Variants in CCDC141 observed in about 807,000 individuals in gnomAD.
CCDC141 encodes the protein coiled-coil domain containing 141.
CCDC141 carries 168 observed loss-of-function variants against 181.0 expected under a neutral mutation model. The observed-to-expected ratio is 0.93, with a 90% CI of 0.82 to 1.05. The LOEUF (loss-of-function observed/expected upper bound fraction) is 1.05, where lower values mean the gene tolerates loss of function less well. Ranked by LOEUF, CCDC141 falls within the 50% of genes least tolerant of loss-of-function variation. CCDC141 has a pLI of 0.00. For synonymous variants in CCDC141, 666 were observed against 642.3 expected (o/e 1.04, Z -0.56); for missense variants, 1,902 against 1,788.5 (o/e 1.06, Z -1.14).
chr2:178,885,898 C>A (rs1406556827), intron 10 of CCDC141, among the ~76,000 whole-genome samples: 1 of 152,112 alleles, frequency 6.6e-6, no homozygotes, highest in Non-Finnish European at 1.5e-5. Flanking sequence ...AATTTAGAGG[C>A]CCTGCTTCAT....
chr2:178,903,102 AAAC>A (rs1291682413), intron 8 of CCDC141, among the ~76,000 whole-genome samples: 2 of 150,590 alleles, frequency 1.3e-5, no homozygotes, highest in African/African-American at 4.8e-5. Context: ...AAAAGTCAGG[AAAC>A]AACAGGTGCT....
intron 3 of CCDC141, among the ~76,000 whole-genome samples, chr2:178,977,712 G>A (rs1447799335): frequency 1.3e-5 from 2 of 152,020 alleles, no homozygotes; most frequent in Admixed American, 6.6e-5. Flanking sequence ...ATTTTTCAAA[G>A]CTAATGCTTT....
At chr2:179,012,195 T>C (rs2042288257) in intron 2 of CCDC141, among the ~76,000 whole-genome samples, 1 of 152,118 alleles carries the variant, frequency 6.6e-6, no homozygotes, top group African/African-American at 2.4e-5. Context: ...GCTGGTTGTT[T>C]GAAAAGGTAA....
At chr2:178,865,677 G>T in intron 17 of CCDC141, 90 bp downstream of exon 17, 1 of 1,185,848 alleles carries the variant, frequency 8.4e-7, no homozygotes. Context: ...ATGTGTGTGG[G>T]AGTGTGCACA....
At chr2:178,985,212 G>C (rs981770489) in intron 2 of CCDC141, among the ~76,000 whole-genome samples, 1 of 151,528 alleles carries the variant, frequency 6.6e-6, no homozygotes, top group African/African-American at 2.4e-5. Flanking sequence ...GCTCCTGAAT[G>C]ACTACTGGGT....
At chr2:179,044,799 G>A (rs148208966) in intron 2 of CCDC141, among the ~76,000 whole-genome samples, 98 of 152,194 alleles carry the variant, frequency 6.4e-4, no homozygotes, top group South Asian at 4.6e-3. Context: ...TAAGTATTAC[G>A]TTTCTACAGT....
rs550049284 is a variant in CCDC141, at chr2:178,895,697, T to G, written c.1266-7029A>C. On this transcript the variant is annotated intron_variant, in intron 8 of 23. Transcript: ENST00000443758. ...ATATTTGGAAAGTGGCTGGGTTGAC[T>G]GTCATAAGAACTCAACTTTGTAATT... 3.3e-5 allele frequency among the ~76,000 whole-genome samples: 5 copies of G among 152,306 alleles called. No individual in the cohort carries two copies. In the East Asian group the frequency reaches 9.6e-4, roughly 29 times the overall value.
chr2:178,861,972 C>A (rs1685640040), intron 17 of CCDC141, among the ~76,000 whole-genome samples: 3 of 152,162 alleles, frequency 2.0e-5, no homozygotes, highest in Admixed American at 2.0e-4. Context: ...TCCTTTCCTG[C>A]CAGTGGGTAG....
intron 17 of CCDC141, among the ~76,000 whole-genome samples, chr2:178,859,669 A>G (rs1685520010): frequency 6.6e-6 from 1 of 152,224 alleles, no homozygotes; most frequent in African/African-American, 2.4e-5. Flanking sequence ...CAGCTCTTCT[A>G]TATTTACCAT....
At position 178,884,893 on chromosome 2, in the gene CCDC141, T is replaced by A; in HGVS notation, c.1719+8A>T. On this transcript the variant is annotated splice_region_variant and intron_variant, in intron 11 of 23. Coordinates refer to ENST00000443758, the MANE Select transcript of CCDC141 (RefSeq NM_173648.4). ...CTTGCTGAAGAAGGTTAACACATAGTACCATACCTCCTCTGATGACTTCAG... is the reference window on the plus strand; with the variant it reads ...CTTGCTGAAGAAGGTTAACACATAGAACCATACCTCCTCTGATGACTTCAG... 1 of 1,549,490 alleles carries A rather than the reference T, an allele frequency of 6.5e-7. No homozygotes were observed. Among genetic ancestry groups the A allele is most frequent in the Non-Finnish European group, 8.7e-7 (1 of 1,146,152 alleles).
chr2:179,004,866 G>A (rs1177185998), intron 2 of CCDC141, among the ~76,000 whole-genome samples: 2 of 152,104 alleles, frequency 1.3e-5, no homozygotes, highest in African/African-American at 4.8e-5. Flanking sequence ...CTAGTAGCTG[G>A]GATTATAGGC....
At chr2:178,920,300 T>C (rs1688628757) in intron 6 of CCDC141, among the ~76,000 whole-genome samples, 2 of 152,228 alleles carry the variant, frequency 1.3e-5, no homozygotes. Flanking sequence ...TATTACATTG[T>C]GTAAAATCAG....
intron 22 of CCDC141, among the ~76,000 whole-genome samples, chr2:178,843,874 T>C (rs916639995): frequency 6.6e-6 from 1 of 152,186 alleles, no homozygotes; most frequent in African/African-American, 2.4e-5. Flanking sequence ...CACCTTTTCA[T>C]TTTGCTGTCT....
chr2:178,987,339 A>C (rs1291847450), intron 2 of CCDC141, among the ~76,000 whole-genome samples: 2 of 152,126 alleles, frequency 1.3e-5, no homozygotes, highest in African/African-American at 4.8e-5. Flanking sequence ...AAAGACTTAA[A>C]CATTAGACCT....
chr2:178,968,235 A>G (rs1468782595), intron 4 of CCDC141, among the ~76,000 whole-genome samples: 1 of 152,224 alleles, frequency 6.6e-6, no homozygotes, highest in Non-Finnish European at 1.5e-5. Context: ...GAACAAGCAG[A>G]CCTAATAGAC....
rs769278075 is a variant in CCDC141 at position 178,834,302 on chromosome 2, G to A, written c.4464C>T (p.Gly1488=). 2.4e-5 allele frequency: 37 copies of A among 1,535,808 alleles called. 1 individual carries two copies. In the East Asian group the frequency reaches 6.6e-4, roughly 27 times the overall value. The change falls in exon 24 of 24, where the codon GGC becomes GGT. Residue 1488 remains glycine (G), a synonymous_variant. Coordinates refer to ENST00000443758, the MANE Select transcript of CCDC141 (RefSeq NM_173648.4). The stretch of plus-strand genomic sequence containing the variant: ...GGAGGATGACATTGGAAGAGAGAGC[G>A]CCGCTAGAGTTTTGGGCCCGAGCCA... The part of the protein sequence containing the change: ...LYVARAQNSS[G]ALSSNVILHV...
intron 8 of CCDC141, among the ~76,000 whole-genome samples, chr2:178,902,942 C>T (rs1393605852): frequency 6.1e-5 from 9 of 148,534 alleles, no homozygotes; most frequent in South Asian, 2.4e-4. Flanking sequence ...AAAAAGTGGG[C>T]GAAGGACATG....
Position 178,837,557 on chromosome 2 carries a change from C to T in CCDC141, c.3662G>A (p.Gly1221Glu), listed in dbSNP as rs2154365821. Reference sequence around the variant, plus strand: ...TGGTGCAAGAGGGGACTCAGGGCTTCCTGGGAGAGGAGGCAAGGAGATGTC... The same window carrying T: ...TGGTGCAAGAGGGGACTCAGGGCTTTCTGGGAGAGGAGGCAAGGAGATGTC... ...PDDISLPPLP[G>E]SPESPLAPSD... Residue 1221 changes from glycine (G) to glutamate (E), a missense_variant, in exon 23 of 24, where the codon GGA becomes GAA. Coordinates refer to ENST00000443758, the MANE Select transcript of CCDC141 (RefSeq NM_173648.4). The T allele has an allele frequency of 3.1e-6, 5 of 1,613,872 alleles. No individual in the cohort carries two copies. The highest frequency in any genetic ancestry group is 4.2e-6 in the Non-Finnish European group (5 of 1,179,896).
At chr2:178,949,486 C>T (rs1030165921) in intron 5 of CCDC141, among the ~76,000 whole-genome samples, 5 of 152,092 alleles carry the variant, frequency 3.3e-5, no homozygotes, top group Non-Finnish European at 7.4e-5. Flanking sequence ...TCATACTATG[C>T]AATATTTTTC....
Sources: allele counts gnomAD v4.1 joint callset (sites outside exome capture counted in the v4.1 genomes callset), GRCh38; gene constraint gnomAD v4.1.1; transcripts MANE v1.5; gene names NCBI Gene and HGNC (gene_info 2026-07-23, HGNC 2026-07-21).